ENTPD7: variants seen among roughly 807,000 people sequenced by gnomAD.
The protein encoded by ENTPD7 is ectonucleoside triphosphate diphosphohydrolase 7.
In ENTPD7, 53 loss-of-function variants were observed where a neutral mutation model predicts 77.9. That is an observed-to-expected ratio of 0.68 (90% confidence interval 0.55 to 0.85). The LOEUF (loss-of-function observed/expected upper bound fraction) is 0.85, where lower values mean the gene tolerates loss of function less well. Among genes scored for constraint, ENTPD7 ranks in the 40% least tolerant of loss-of-function variants. The pLI, the probability that ENTPD7 is intolerant of heterozygous loss-of-function variation, is 0.00. For missense variants in ENTPD7, 636 were observed against 743.7 expected, an observed-to-expected ratio of 0.86 and a Z score of 1.68; for synonymous variants, 248 against 274.9, an observed-to-expected ratio of 0.90 and a Z score of 0.97.
At chr10:99,690,614 C>A (rs2035869705) in intron 7 of ENTPD7, among the ~76,000 whole-genome samples, 1 of 150,730 alleles carries the variant, frequency 6.6e-6, no homozygotes, top group Non-Finnish European at 1.5e-5. Context: ...GCAATCTCGG[C>A]TCACTACAAC....
At position 99,709,673 on chromosome 10, in the gene ENTPD7, C is replaced by T; in HGVS notation, c.*4990C>T. ...AAGCTGTGGCACCCTGTTTGGGTGT[C>T]CCATCTACCCTGTTTTCTGTTTCTG... On this transcript the variant is annotated 3_prime_UTR_variant, in exon 13 of 13. Transcript: ENST00000370489. 1.0e-6 allele frequency: 1 copy of T among 985,394 alleles called. No individual in the cohort carries two copies. The highest frequency in any genetic ancestry group is 1.2e-6 in the Non-Finnish European group (1 of 829,928). The allele number at this position is 985,394 out of a possible 1,614,324, so 61.0% of individuals were successfully genotyped here. A position where few individuals can be genotyped will look rare whatever the true frequency, so the allele number is the denominator to read the frequency against.
intron 5 of ENTPD7, 68 bp from the exon 6 acceptor site, chr10:99,685,724 C>G: frequency 8.8e-7 from 1 of 1,138,412 alleles, no homozygotes; most frequent in Non-Finnish European, 1.3e-6. Flanking sequence ...AGTAGAAGGA[C>G]AAGTTGAGGC....
intron 9 of ENTPD7, among the ~76,000 whole-genome samples, chr10:99,696,603 A>G (rs553420345): frequency 5.3e-5 from 8 of 152,246 alleles, no homozygotes; most frequent in South Asian, 2.1e-4. Context: ...CATCAAATTC[A>G]TAATAGTCAG....
chr10:99,688,896 C>A, intron 7 of ENTPD7, 146 bp downstream of exon 7: 1 of 728,936 alleles, frequency 1.4e-6, no homozygotes. Flanking sequence ...AATTTGCTTT[C>A]TTTGATTTCT....
rs769743709 is a variant in ENTPD7, at chr10:99,698,858, G to C, written c.1335G>C (p.Gln445His). 1.3e-6 allele frequency: 2 copies of C among 1,587,512 alleles called. No homozygotes were observed. The change falls in exon 10 of 13, where the codon CAG becomes CAC. Residue 445 changes from glutamine (Q) to histidine (H), a missense_variant and splice_region_variant. Physicochemically the swap from Gln to His is conservative, Grantham distance 24. Transcript: ENST00000370489. ...YHGPTFAKAA[Q>H]DYCGMAWSVL... ...GGCCAACATTTGCCAAGGCTGCTCA[G>C]GTAAATTATTAATGATAAACATGGC...
intron 8 of ENTPD7, among the ~76,000 whole-genome samples, chr10:99,694,429 T>C (rs2035935139): frequency 6.6e-6 from 1 of 152,198 alleles, no homozygotes; most frequent in African/African-American, 2.4e-5. Flanking sequence ...ATTTTGTTTA[T>C]CCATTTATCA....
chr10:99,710,816 T>C lies in ENTPD7; in HGVS notation c.*6133T>C, dbSNP rs1466182251. On this transcript the variant is annotated 3_prime_UTR_variant, in exon 13 of 13. Transcript: ENST00000370489. Reference sequence around the variant, plus strand: ...TTGCTAGTCATTACCCCTGCTACAATAGATAGTATTTGTCAGTCTAAGTTA... The same window carrying C: ...TTGCTAGTCATTACCCCTGCTACAACAGATAGTATTTGTCAGTCTAAGTTA... 1 of 985,302 alleles carries C rather than the reference T, an allele frequency of 1.0e-6. No homozygotes were observed. Among genetic ancestry groups the C allele is most frequent in the African/African-American group, 1.7e-5 (1 of 57,252 alleles). The allele number at this position is 985,302 out of a possible 1,614,324, so 61.0% of individuals were successfully genotyped here.
At position 99,702,668 on chromosome 10, in the gene ENTPD7, A is replaced by G. The variant is rs770710631; in HGVS notation, c.1578A>G (p.Pro526=). 3.7e-6 allele frequency: 6 copies of G among 1,609,638 alleles called. No individual in the cohort carries two copies. The highest frequency in any genetic ancestry group is 2.2e-5 in the East Asian group (1 of 44,750). ...GAILYKTRFL[P]LRDLRQEGVR... is the part of the protein sequence containing the mutation. ...TTCTATATAAAACACGATTCTTACC[A>G]CTCAGGTAAAGTAAGACTGACCAAT... The change falls in exon 12 of 13, where the codon CCA becomes CCG. Residue 526 remains proline, a synonymous_variant. Coordinates refer to ENST00000370489, the MANE Select transcript of ENTPD7 (RefSeq NM_020354.5).
At chr10:99,670,341 T>C (rs1240826828) in intron 3 of ENTPD7, among the ~76,000 whole-genome samples, 3 of 152,230 alleles carry the variant, frequency 2.0e-5, no homozygotes, top group East Asian at 1.9e-4. Flanking sequence ...ACAGTGCAGA[T>C]AGAGAACATT....
At chr10:99,688,803 T>A (rs2035844970) in intron 7 of ENTPD7, 53 bp downstream of exon 7, 2 of 1,564,824 alleles carry the variant, frequency 1.3e-6, no homozygotes, top group South Asian at 1.1e-5. Flanking sequence ...AAGATTTAAG[T>A]TATAACCTAT....
At chr10:99,679,579 G>T (rs748186829) in intron 4 of ENTPD7, 113 bp downstream of exon 4, 21 of 1,426,146 alleles carry the variant, frequency 1.5e-5, no homozygotes, top group Non-Finnish European at 1.9e-5. Flanking sequence ...TAATGGGAGG[G>T]ATATCTCTTT....
chr10:99,702,415 T>C (rs1443838742), intron 11 of ENTPD7, 97 bp from the exon 12 acceptor site: 4 of 1,101,580 alleles, frequency 3.6e-6, no homozygotes, highest in Non-Finnish European at 5.0e-6. Context: ...GAGGTAGGTC[T>C]TTTAATAACT....
intron 3 of ENTPD7, among the ~76,000 whole-genome samples, chr10:99,665,389 A>G (rs1411571446): frequency 6.6e-6 from 1 of 152,044 alleles, no homozygotes. Context: ...CTTGCCAGAA[A>G]CCTCTAACAA....
rs543109177 is a variant in ENTPD7 at position 99,688,951 on chromosome 10, G to A, written c.709+201G>A. ...AAAGTTTCAAACATTCACAAAAGTA[G>A]AATAATAAAATGAACCTCCATGGAC... On this transcript the variant is annotated intron_variant, in intron 7 of 12. Transcript: ENST00000370489. Among the ~76,000 whole-genome samples, 303 of 151,978 alleles carry A rather than the reference G, an allele frequency of 2.0e-3. No individual in the cohort carries two copies. Among genetic ancestry groups the A allele is most frequent in the Non-Finnish European group, 3.5e-3 (237 of 67,976 alleles).
Position 99,707,671 on chromosome 10 carries a change from C to T in ENTPD7, c.*2988C>T, listed in dbSNP as rs2133540434. Among the ~76,000 whole-genome samples, 1 of 152,310 alleles carries T rather than the reference C, an allele frequency of 6.6e-6. No individual in the cohort carries two copies. The highest frequency in any genetic ancestry group is 1.5e-5 in the Non-Finnish European group (1 of 68,036). The stretch of plus-strand genomic sequence containing the variant: ...GACTCTTGTTATTACTGAGACAGGT[C>T]ACAAACATCAAAATAGGAGTCCGTG... On this transcript the variant is annotated 3_prime_UTR_variant, in exon 13 of 13. Coordinates refer to ENST00000370489, the MANE Select transcript of ENTPD7 (RefSeq NM_020354.5).
In ENTPD7 at chr10:99,707,308, TTA is replaced by T. The variant is rs1303690731; in HGVS notation, c.*2627_*2628del. Among the ~76,000 whole-genome samples, 2 of 152,202 alleles carry T rather than the reference TTA, an allele frequency of 1.3e-5. No homozygotes were observed. The highest frequency in any genetic ancestry group is 2.9e-5 in the Non-Finnish European group (2 of 68,030). On this transcript the variant is annotated 3_prime_UTR_variant, in exon 13 of 13. Coordinates refer to ENST00000370489, the MANE Select transcript of ENTPD7 (RefSeq NM_020354.5). ...CATATCCCTCAGAAGAACTGAATAT[TTA>T]TTATTGGTATGGGCTCCTTTGTTTA...
At chr10:99,678,349 TC>T (rs2035710608) in intron 3 of ENTPD7, among the ~76,000 whole-genome samples, 1 of 151,720 alleles carries the variant, frequency 6.6e-6, no homozygotes, top group Non-Finnish European at 1.5e-5. Flanking sequence ...GTGCCTGTAG[TC>T]CCAGCTACTT....
In ENTPD7 at chr10:99,661,700, T is replaced by G. The variant is rs1038786691; in HGVS notation, c.191+72T>G. 2.3e-6 allele frequency: 3 copies of G among 1,326,686 alleles called. No homozygotes were observed. The African/African-American group carries it at 4.5e-5, about 20-fold the overall frequency. The allele number at this position is 1,326,686 out of a possible 1,614,324, so 82.2% of individuals were successfully genotyped here. On this transcript the variant is annotated intron_variant, in intron 3 of 12. Transcript: ENST00000370489. ...AAGCTGTTTAACACACTACTGACTT[T>G]GACCCTTTTGGGTGATACTGTACTT...
intron 2 of ENTPD7, chr10:99,660,526 GCA>G (rs68112730): frequency 0.097 from 27,205 of 281,342 alleles, 1,078 homozygotes; most frequent in African/African-American, 0.14. Context: ...GAATGGATAC[GCA>G]CACACACACA....
Sources: allele counts gnomAD v4.1 joint callset (sites outside exome capture counted in the v4.1 genomes callset), GRCh38; gene constraint gnomAD v4.1.1; transcripts MANE v1.5; gene names NCBI Gene and HGNC (gene_info 2026-07-23, HGNC 2026-07-21).